Variants in NCKAP5 observed in about 807,000 individuals in gnomAD.
The protein encoded by NCKAP5 is nck-associated protein 5.
A neutral mutation model predicts 167.0 loss-of-function variants in NCKAP5; 92 were observed. The ratio of observed to expected loss-of-function variants is 0.55; its 90% CI spans 0.47 to 0.66. The LOEUF (loss-of-function observed/expected upper bound fraction) is 0.66, where lower values mean the gene tolerates loss of function less well. Ranked by LOEUF, NCKAP5 falls within the 30% of genes least tolerant of loss-of-function variation. The pLI is 0.00. For missense variants in NCKAP5, 2,378 were observed against 2,315.0 expected, an observed-to-expected ratio of 1.03 and a Z score of -0.56; for synonymous variants, 891 against 877.4, an observed-to-expected ratio of 1.02 and a Z score of -0.27.
At position 132,782,292 on chromosome 2, in the gene NCKAP5, C is replaced by G; in HGVS notation, c.4519G>C (p.Ala1507Pro). 6.2e-6 allele frequency: 10 copies of G among 1,614,044 alleles called. No homozygotes were observed. Among genetic ancestry groups the G allele is most frequent in the Non-Finnish European group, 8.5e-6 (10 of 1,179,900 alleles). Reference protein sequence around the residue: ...EAKQKPGPSFASWFGFRKSRL... With the variant: ...EAKQKPGPSFPSWFGFRKSRL... ...CTCTTCCGAAAACCAAACCAGCTGG[C>G]AAAAGAAGGCCCAGGCTTCTGCTTT... Residue 1507 changes from alanine to proline, a missense_variant, in exon 14 of 20, where the codon GCC (alanine) becomes CCC (proline). Physicochemically the swap from Ala to Pro is conservative, Grantham distance 27. Transcript: ENST00000409261.
chr2:133,017,691 G>A (rs1463207163), intron 6 of NCKAP5, among the ~76,000 whole-genome samples: 1 of 151,844 alleles, frequency 6.6e-6, no homozygotes. Context: ...CCTCATGCAT[G>A]CCTTGGGACT....
At chr2:133,152,598 T>C (rs1038391610) in intron 5 of NCKAP5, among the ~76,000 whole-genome samples, 2 of 152,180 alleles carry the variant, frequency 1.3e-5, no homozygotes, top group African/African-American at 4.8e-5. Context: ...TGAAATATTA[T>C]TCAGTGATAT....
intron 19 of NCKAP5, among the ~76,000 whole-genome samples, chr2:132,703,909 CT>C (rs770873719): frequency 2.0e-5 from 3 of 152,170 alleles, no homozygotes; most frequent in African/African-American, 2.4e-5. Context: ...GGATAACCCC[CT>C]GGCCCTTATT....
At chr2:133,228,987 C>A (rs747060018) in intron 4 of NCKAP5, among the ~76,000 whole-genome samples, 1 of 152,090 alleles carries the variant, frequency 6.6e-6, no homozygotes, top group Admixed American at 6.5e-5. Context: ...TAACAGACAG[C>A]CTAGAATCTT....
chr2:133,048,368 T>C (rs974018198), intron 6 of NCKAP5, among the ~76,000 whole-genome samples: 1 of 152,216 alleles, frequency 6.6e-6, no homozygotes, highest in African/African-American at 2.4e-5. Flanking sequence ...GTATGCAGTA[T>C]ATGTAGTTCA....
chr2:133,126,614 C>T (rs547499249), intron 6 of NCKAP5, among the ~76,000 whole-genome samples: 1 of 152,178 alleles, frequency 6.6e-6, no homozygotes, highest in African/African-American at 2.4e-5. Flanking sequence ...TTTTGGGCCA[C>T]GTCTACTGTA....
intron 3 of NCKAP5, among the ~76,000 whole-genome samples, chr2:133,393,602 T>C (rs548597729): frequency 6.6e-6 from 1 of 152,344 alleles, no homozygotes; most frequent in Non-Finnish European, 1.5e-5. Context: ...ACTGAGTTAG[T>C]GCAGCTTACA....
chr2:133,586,864 A>G, the NCKAP5 span, among the ~76,000 whole-genome samples: 1 of 152,056 alleles, frequency 6.6e-6, no homozygotes, highest in Non-Finnish European at 1.5e-5. Context: ...GGTGGGGACT[A>G]CGATGAACTG....
At chr2:132,710,729 T>C (rs1265713728) in intron 19 of NCKAP5, among the ~76,000 whole-genome samples, 1 of 152,190 alleles carries the variant, frequency 6.6e-6, no homozygotes, top group African/African-American at 2.4e-5. Flanking sequence ...ATGCAGAACT[T>C]AAAGAGCTGT....
At chr2:133,394,300 A>T (rs1687604099) in intron 3 of NCKAP5, among the ~76,000 whole-genome samples, 1 of 152,210 alleles carries the variant, frequency 6.6e-6, no homozygotes, top group Non-Finnish European at 1.5e-5. Context: ...ATTACAAAGT[A>T]ATGAGATTGG....
At chr2:133,192,092 G>A (rs2150083510) in intron 5 of NCKAP5, among the ~76,000 whole-genome samples, 1 of 152,090 alleles carries the variant, frequency 6.6e-6, no homozygotes, top group Non-Finnish European at 1.5e-5. Context: ...ATCAGTGGAG[G>A]GACGGACATA....
At chr2:133,093,839 G>A (rs1307472429) in intron 6 of NCKAP5, among the ~76,000 whole-genome samples, 1 of 152,226 alleles carries the variant, frequency 6.6e-6, no homozygotes, top group Non-Finnish European at 1.5e-5. Flanking sequence ...AACTAGGCAA[G>A]GAGTAATGTT....
At chr2:133,454,630 T>TTA (rs1691737408) in intron 3 of NCKAP5, among the ~76,000 whole-genome samples, 2 of 152,080 alleles carry the variant, frequency 1.3e-5, no homozygotes, top group Non-Finnish European at 2.9e-5. Flanking sequence ...ATGGCTGAGA[T>TTA]TTTAAAAATA....
At position 132,672,984 on chromosome 2, in the gene NCKAP5, A is replaced by G; in HGVS notation, c.*305T>C. On this transcript the variant is annotated 3_prime_UTR_variant, in exon 20 of 20. Transcript: ENST00000409261. ...CCCCACCCCCCACCCATCATTTCTT[A>G]AGCGCTCCAGTCCCAGCTCACTAAG... is the stretch of plus-strand genomic sequence containing the variant. The G allele has an allele frequency of 1.9e-6, 1 of 520,528 alleles. No individual in the cohort carries two copies. The highest frequency in any genetic ancestry group is 2.3e-6 in the Non-Finnish European group (1 of 433,028). 32.2% of individuals were successfully genotyped at this position (520,528 alleles called of 1,614,324 possible).
Position 133,181,140 on chromosome 2 carries a change from A to G in NCKAP5, c.207+32576T>C, listed in dbSNP as rs565220535. Among the ~76,000 whole-genome samples the G allele has an allele frequency of 1.1e-3, 140 of 124,852 alleles. 1 individual carries two copies. The highest frequency in any genetic ancestry group is 3.4e-3 in the African/African-American group (122 of 36,038). The allele number at this position is 124,852 out of a possible 152,430, so 81.9% of individuals were successfully genotyped here. On this transcript the variant is annotated intron_variant, in intron 5 of 19. Coordinates refer to ENST00000409261, the MANE Select transcript of NCKAP5 (RefSeq NM_207363.3). ...TCACAACTGAAGCAAAAACAACACT[A>G]TGTGATATGGTTCTAAATGTGTGTC...
intron 6 of NCKAP5, among the ~76,000 whole-genome samples, chr2:133,120,344 T>A (rs1390983068): frequency 6.6e-6 from 1 of 152,176 alleles, no homozygotes; most frequent in African/African-American, 2.4e-5. Context: ...ACAGAATTAT[T>A]TCTCACGAAT....
chr2:133,411,320 T>C lies in NCKAP5; in HGVS notation c.69+106138A>G, dbSNP rs117108661. ...AACATCTGGAGCCCTGGTGTGGGCG[T>C]TGGTAAACTTTATAATATTTTTGGC... is the stretch of plus-strand genomic sequence containing the variant. On this transcript the variant is annotated intron_variant, in intron 3 of 19. Coordinates refer to ENST00000409261, the MANE Select transcript of NCKAP5 (RefSeq NM_207363.3). 4.5e-4 allele frequency among the ~76,000 whole-genome samples: 69 copies of C among 152,166 alleles called. No homozygotes were observed. The East Asian group carries it at 0.011, about 25-fold the overall frequency.
At chr2:132,948,183 G>A (rs746769498) in intron 8 of NCKAP5, among the ~76,000 whole-genome samples, 1 of 152,012 alleles carries the variant, frequency 6.6e-6, no homozygotes, top group Non-Finnish European at 1.5e-5. Flanking sequence ...ATTTTCTATC[G>A]ATGTACCCTT....
chr2:133,612,929 T>C, the NCKAP5 span, among the ~76,000 whole-genome samples: 1 of 152,084 alleles, frequency 6.6e-6, no homozygotes, highest in Non-Finnish European at 1.5e-5. Context: ...GTAGCAGGCA[T>C]TGAGGAGAAA....
Sources: allele counts gnomAD v4.1 joint callset (sites outside exome capture counted in the v4.1 genomes callset), GRCh38; gene constraint gnomAD v4.1.1; transcripts MANE v1.5; gene names NCBI Gene and HGNC (gene_info 2026-07-23, HGNC 2026-07-21).